Variants in TSNARE1 observed in about 807,000 individuals in gnomAD.
TSNARE1 encodes the protein t-SNARE domain containing 1, also known as t-SNARE domain-containing protein 1.
TSNARE1 carries 49 observed loss-of-function variants against 62.0 expected under a neutral mutation model. The observed-to-expected ratio is 0.79, with a 90% confidence interval of 0.63 to 1.00. TSNARE1 has a LOEUF of 1.00. TSNARE1 is among the 50% of genes least tolerant of loss of function. TSNARE1 has a pLI of 0.00. For missense variants in TSNARE1, 755 were observed against 700.1 expected, an observed-to-expected ratio of 1.08 and a Z score of -0.88; for synonymous variants, 328 against 294.4, an observed-to-expected ratio of 1.11 and a Z score of -1.17.
At chr8:142,254,650 C>A (rs1818334973) in intron 12 of TSNARE1, among the ~76,000 whole-genome samples, 1 of 152,120 alleles carries the variant, frequency 6.6e-6, no homozygotes, top group African/African-American at 2.4e-5. Context: ...GAGAGGTGTT[C>A]CGGCATATGG....
chr8:142,300,464 C>G (rs778764107), intron 10 of TSNARE1, 22 bp downstream of exon 10: 2 of 1,589,784 alleles, frequency 1.3e-6, no homozygotes, highest in Admixed American at 1.7e-5. Context: ...AGAGTGAGCA[C>G]GCTTGCCCAC....
chr8:142,263,498 C>T (rs899508497), intron 12 of TSNARE1, among the ~76,000 whole-genome samples: 3 of 152,196 alleles, frequency 2.0e-5, no homozygotes, highest in Non-Finnish European at 2.9e-5. Flanking sequence ...ATCCCCTTCT[C>T]GTGTGCTTGT....
At chr8:142,358,772 TG>T (rs1834934824) in intron 1 of TSNARE1, among the ~76,000 whole-genome samples, 1 of 151,954 alleles carries the variant, frequency 6.6e-6, no homozygotes, top group Admixed American at 6.6e-5. Flanking sequence ...TGGAATCCAG[TG>T]GGTGCAACCC....
At chr8:142,243,347 G>A (rs766442633) in intron 12 of TSNARE1, among the ~76,000 whole-genome samples, 16 of 152,138 alleles carry the variant, frequency 1.1e-4, no homozygotes, top group Non-Finnish European at 1.5e-4. Flanking sequence ...ACGTGGAATC[G>A]GCCTAAGTGT....
intron 12 of TSNARE1, among the ~76,000 whole-genome samples, chr8:142,241,369 A>G (rs1817660976): frequency 6.6e-6 from 1 of 152,254 alleles, no homozygotes; most frequent in Non-Finnish European, 1.5e-5. Flanking sequence ...AGAAGACACA[A>G]ATAAATGGAA....
At chr8:142,373,104 C>G (rs1403451343) in intron 1 of TSNARE1, among the ~76,000 whole-genome samples, 3 of 151,700 alleles carry the variant, frequency 2.0e-5, no homozygotes, top group Non-Finnish European at 4.4e-5. Flanking sequence ...CGGACTGTGT[C>G]TGTGTCTCCC....
At position 142,331,809 on chromosome 8, in the gene TSNARE1, G is replaced by A. The variant is rs1563930198; in HGVS notation, c.768C>T (p.Asn256=). ...PPRATQVDPC[N]LQELFQEMSA... Reference sequence around the variant, plus strand: ...ACATCTCCTGGAACAGCTCCTGGAGGTTGCACGGATCGACCTGGGTGGCTG... The same window carrying A: ...ACATCTCCTGGAACAGCTCCTGGAGATTGCACGGATCGACCTGGGTGGCTG... Residue 256 remains asparagine, a synonymous_variant, in exon 5 of 14, where the codon AAC becomes AAT. Coordinates refer to ENST00000524325, the MANE Select transcript of TSNARE1 (RefSeq NM_145003.5). 6.2e-7 allele frequency: 1 copy of A among 1,609,202 alleles called. No homozygotes were observed. Among genetic ancestry groups the A allele is most frequent in the East Asian group, 2.2e-5 (1 of 44,628 alleles).
At chr8:142,351,127 A>G (rs1834044009) in intron 2 of TSNARE1, among the ~76,000 whole-genome samples, 1 of 152,248 alleles carries the variant, frequency 6.6e-6, no homozygotes, top group African/African-American at 2.4e-5. Context: ...GCAGGGAAGC[A>G]GTTTGGGGGC....
chr8:142,249,961 G>A (rs559158063), intron 12 of TSNARE1, among the ~76,000 whole-genome samples: 3 of 152,328 alleles, frequency 2.0e-5, no homozygotes, highest in South Asian at 2.1e-4. Context: ...TGATGGCTAC[G>A]AGAGCTCTGA....
intron 12 of TSNARE1, among the ~76,000 whole-genome samples, chr8:142,248,427 C>A (rs770065009): frequency 6.6e-5 from 10 of 152,248 alleles, no homozygotes; most frequent in Admixed American, 3.3e-4. Context: ...AGAAACTCAG[C>A]ACCCACGGGG....
chr8:142,261,108 GCAGGGAAGGAGAGAGA>G (rs2130396833), intron 12 of TSNARE1, among the ~76,000 whole-genome samples: 3 of 111,846 alleles, frequency 2.7e-5, no homozygotes, highest in African/African-American at 8.0e-5. Context: ...GAGAGGGGGA[GCAGGGAAGGAGAGAGA>G]GAGGAGGGAG....
In TSNARE1 at chr8:142,361,855, C is replaced by T. The variant is rs1260987748; in HGVS notation, c.-39-7092G>A. On this transcript the variant is annotated intron_variant, in intron 1 of 13. Coordinates refer to ENST00000524325, the MANE Select transcript of TSNARE1 (RefSeq NM_145003.5). ...GATCAGTGGCCAGACCACAGCCAGA[C>T]CCCGCTGCAGACCGCCGGGAGCCCT... is the stretch of plus-strand genomic sequence containing the variant. Among the ~76,000 whole-genome samples the T allele has an allele frequency of 2.6e-5, 4 of 152,334 alleles. No individual in the cohort carries two copies. The East Asian group carries it at 7.7e-4, about 29-fold the overall frequency.
intron 1 of TSNARE1, among the ~76,000 whole-genome samples, chr8:142,378,794 C>T (rs1258528575): frequency 2.0e-5 from 3 of 152,194 alleles, no homozygotes; most frequent in Admixed American, 6.5e-5. Context: ...TCCTTCAAGG[C>T]GCACGGGCGT....
chr8:142,241,842 CAACA>C (rs1817680773), intron 12 of TSNARE1, among the ~76,000 whole-genome samples: 1 of 151,560 alleles, frequency 6.6e-6, no homozygotes. Context: ...ACGCCGTATA[CAACA>C]ATCAACTCAA....
intron 11 of TSNARE1, 154 bp from the exon 12 acceptor site, chr8:142,275,017 G>T (rs185820380): frequency 2.0e-6 from 2 of 985,362 alleles, no homozygotes; most frequent in East Asian, 1.1e-4. Context: ...CAGACGTGCC[G>T]AGGGCTCCGC....
chr8:142,237,073 G>A (rs1252793720), intron 12 of TSNARE1, among the ~76,000 whole-genome samples: 996 of 1,998 alleles, frequency 0.5, 14 homozygotes, highest in Middle Eastern at 0.57. Context: ...GTTCCAGAAC[G>A]GCGGGGTGGG....
At chr8:142,284,252 G>C (rs939510169) in intron 11 of TSNARE1, among the ~76,000 whole-genome samples, 161 bp downstream of exon 11, 3 of 152,188 alleles carry the variant, frequency 2.0e-5, no homozygotes, top group African/African-American at 7.2e-5. Context: ...AGGAAGACAG[G>C]GCAGGAGGGG....
At chr8:142,214,513 G>T (rs1815737668) in intron 13 of TSNARE1, among the ~76,000 whole-genome samples, 1 of 152,100 alleles carries the variant, frequency 6.6e-6, no homozygotes, top group Admixed American at 6.5e-5. Flanking sequence ...TCTGGGCTCT[G>T]CCAGGCCCAA....
At chr8:142,230,074 T>C (rs538709872) in intron 12 of TSNARE1, among the ~76,000 whole-genome samples, 2 of 152,330 alleles carry the variant, frequency 1.3e-5, no homozygotes, top group South Asian at 4.1e-4. Context: ...TTGTGGCTAT[T>C]ACTAATTTAA....
Sources: gnomAD v4.1 joint callset for allele counts (sites outside exome capture counted in the v4.1 genomes callset) on GRCh38, gnomAD v4.1.1 for gene constraint, MANE v1.5 for transcripts, NCBI Gene and HGNC (gene_info 2026-07-23, HGNC 2026-07-21) for gene names.